GLRA2: variants seen among roughly 807,000 people sequenced by gnomAD.
The protein encoded by GLRA2 is glycine receptor subunit alpha-2.
In GLRA2, 11 loss-of-function variants were observed where a neutral mutation model predicts 31.6. That is an observed-to-expected ratio of 0.35 (90% confidence interval 0.22 to 0.58). The LOEUF is 0.58. Among genes scored for constraint, GLRA2 ranks in the 20% least tolerant of loss-of-function variants. GLRA2 has a pLI of 0.84. For missense variants in GLRA2, 212 were observed against 351.8 expected (o/e 0.60, Z 3.18); for synonymous variants, 132 against 134.0 (o/e 0.99, Z 0.10).
chrX:14,723,368 T>C (rs1251663676), intron 8 of GLRA2, among the ~76,000 whole-genome samples: 1 of 112,160 alleles, frequency 8.9e-6, no homozygotes, highest in Admixed American at 9.4e-5. Context: ...TCTCTACCTA[T>C]ACCACCACCC....
At chrX:14,538,233 T>C (rs1384013827) in intron 2 of GLRA2, among the ~76,000 whole-genome samples, 1 of 111,102 alleles carries the variant, frequency 9.0e-6, no homozygotes, top group African/African-American at 3.3e-5. Flanking sequence ...TGAGAAAAGA[T>C]GTCTTCACCT....
chrX:14,568,227 T>C (rs969716997), intron 2 of GLRA2, among the ~76,000 whole-genome samples: 9 of 112,015 alleles, frequency 8.0e-5, no homozygotes, highest in Admixed American at 6.6e-4. Context: ...ACTTCAAAAC[T>C]TAATACAAAA....
chrX:14,578,080 C>A (rs113754908), intron 3 of GLRA2, among the ~76,000 whole-genome samples: 2 of 111,862 alleles, frequency 1.8e-5, no homozygotes, highest in African/African-American at 6.5e-5. Context: ...CAAAGAATGC[C>A]TCAGAATTTT....
intron 2 of GLRA2, among the ~76,000 whole-genome samples, chrX:14,553,979 C>A (rs1178288226): frequency 8.9e-6 from 1 of 112,290 alleles, no homozygotes; most frequent in Non-Finnish European, 1.9e-5. Flanking sequence ...ATGACTTTCA[C>A]CTAAATCCTT....
the GLRA2 span, among the ~76,000 whole-genome samples, chrX:14,507,530 A>T: frequency 9.1e-6 from 1 of 110,333 alleles, no homozygotes; most frequent in East Asian, 2.8e-4. Context: ...AAAGTACAGA[A>T]ATTGAGAGTC....
chrX:14,662,726 A>AT (rs1423514617), intron 7 of GLRA2, among the ~76,000 whole-genome samples: 1 of 111,902 alleles, frequency 8.9e-6, no homozygotes, highest in African/African-American at 3.2e-5. Context: ...TTATATATTT[A>AT]TTACCAACAC....
chrX:14,493,756 T>C, the GLRA2 span, among the ~76,000 whole-genome samples: 1 of 99,364 alleles, frequency 1.0e-5, no homozygotes, highest in Non-Finnish European at 2.0e-5. Context: ...CGTGTATATG[T>C]ATACATATGT....
At chrX:14,520,470 G>GT in the GLRA2 span, among the ~76,000 whole-genome samples, 1 of 112,393 alleles carries the variant, frequency 8.9e-6, no homozygotes, top group African/African-American at 3.2e-5. Flanking sequence ...TAGCCAACAG[G>GT]GAAGCAATCA....
intron 8 of GLRA2, among the ~76,000 whole-genome samples, chrX:14,702,178 G>T (rs2091552420): frequency 8.9e-6 from 1 of 111,797 alleles, no homozygotes; most frequent in African/African-American, 3.3e-5. Flanking sequence ...GTTGAGTCAG[G>T]AAAGTGCTAA....
rs1569528220 is a variant in GLRA2 at position 14,730,213 on chromosome X, G to A, written c.1087G>A (p.Asp363Asn). 8.3e-7 allele frequency: 1 copy of A among 1,199,344 alleles called. No homozygotes were observed. The highest frequency in any genetic ancestry group is 2.2e-5 in the Admixed American group (1 of 45,931). Reference sequence around the variant, plus strand: ...TCTGTCTTTATTCCGTCAGGAAGAAGACGTTACTCGTGAAAGTCGTTTTAA... The same window carrying A: ...TCTGTCTTTATTCCGTCAGGAAGAAAACGTTACTCGTGAAAGTCGTTTTAA... ...RRQKRQNKEE[D>N]VTRESRFNFS... The change falls in exon 9 of 9, where the codon GAC becomes AAC. Residue 363 changes from aspartate to asparagine, a missense_variant. Coordinates refer to ENST00000218075, the MANE Select transcript of GLRA2 (RefSeq NM_002063.4).
chrX:14,487,792 C>T, the GLRA2 span, among the ~76,000 whole-genome samples: 2 of 111,853 alleles, frequency 1.8e-5, no homozygotes, highest in Non-Finnish European at 3.8e-5. Context: ...GTCTCCCTCC[C>T]ACCTACTTTC....
At chrX:14,606,056 G>T (rs2090330161) in intron 5 of GLRA2, among the ~76,000 whole-genome samples, 1 of 103,685 alleles carries the variant, frequency 9.6e-6, no homozygotes, top group Admixed American at 1.1e-4. Flanking sequence ...GTAGTCCAAA[G>T]AAACAGGAAA....
chrX:14,514,079 C>T, the GLRA2 span, among the ~76,000 whole-genome samples: 1 of 111,707 alleles, frequency 9.0e-6, no homozygotes, highest in South Asian at 3.7e-4. Context: ...GAATACTACT[C>T]AGCACAAAAT....
At chrX:14,490,561 C>T in the GLRA2 span, among the ~76,000 whole-genome samples, 2 of 112,414 alleles carry the variant, frequency 1.8e-5, no homozygotes, top group African/African-American at 6.5e-5. Context: ...TAGCTCGGTT[C>T]CATTCCACAG....
chrX:14,730,018 G>A (rs1178496713), intron 8 of GLRA2, among the ~76,000 whole-genome samples, 189 bp from the exon 9 acceptor site: 1 of 111,969 alleles, frequency 8.9e-6, no homozygotes, highest in Non-Finnish European at 1.9e-5. Context: ...TTCTCAGTCT[G>A]AAAAGTTAAT....
chrX:14,596,193 C>T (rs571471305), intron 4 of GLRA2, among the ~76,000 whole-genome samples: 2 of 111,640 alleles, frequency 1.8e-5, no homozygotes, highest in East Asian at 5.6e-4. Flanking sequence ...ATTTTCCAGA[C>T]ATCAGAGACA....
chrX:14,644,127 C>G (rs1457651149), intron 7 of GLRA2, among the ~76,000 whole-genome samples: 1 of 111,785 alleles, frequency 8.9e-6, no homozygotes, highest in Non-Finnish European at 1.9e-5. Context: ...TGATGTGCCA[C>G]CAATCTTGCT....
intron 1 of GLRA2, 64 bp downstream of exon 1, chrX:14,530,189 G>T (rs766663193): frequency 3.8e-4 from 255 of 670,251 alleles, no homozygotes; most frequent in Non-Finnish European, 2.1e-4. Flanking sequence ...TCATGTAATT[G>T]TGTATTTATC....
chrX:14,476,981 C>T, the GLRA2 span, among the ~76,000 whole-genome samples: 1 of 111,556 alleles, frequency 9.0e-6, no homozygotes, highest in South Asian at 3.7e-4. Context: ...TAGAACAAAC[C>T]AGCTTTAACT....
Sources: allele counts gnomAD v4.1 joint callset (sites outside exome capture counted in the v4.1 genomes callset), GRCh38; gene constraint gnomAD v4.1.1; transcripts MANE v1.5; gene names NCBI Gene and HGNC (gene_info 2026-07-23, HGNC 2026-07-21).